Variants in ZNF7 observed in about 807,000 individuals in gnomAD.
ZNF7 encodes the protein zinc finger protein 7, also known as C2-H2 type zinc finger protein.
A neutral mutation model predicts 12.0 loss-of-function variants in ZNF7; 10 were observed. That is an observed-to-expected ratio of 0.83 (90% confidence interval 0.51 to 1.42). ZNF7 has a LOEUF of 1.42. ZNF7 is among the 40% of genes most tolerant of loss of function. The pLI is 0.00. For missense variants in ZNF7, 854 were observed against 837.2 expected (o/e 1.02, Z -0.25); for synonymous variants, 334 against 295.0 (o/e 1.13, Z -1.35).
At position 144,841,623 on chromosome 8, in the gene ZNF7, G is replaced by A. The variant is rs1397932459; in HGVS notation, c.516G>A (p.Lys172=). ...TFTKDAPQGC[K]ELGSSGLDCQ... ...CCAAGGACGCACCCCAGGGATGTAAGGAGCTGGGAAGCAGCGGCCTGGATT... is the reference window on the plus strand; with the variant it reads ...CCAAGGACGCACCCCAGGGATGTAAAGAGCTGGGAAGCAGCGGCCTGGATT... The change falls in exon 5 of 5, where the codon AAG becomes AAA. Residue 172 remains lysine (K), a synonymous_variant. Transcript: ENST00000532777. 6.2e-7 allele frequency: 1 copy of A among 1,614,248 alleles called. No homozygotes were observed. Among genetic ancestry groups the A allele is most frequent in the East Asian group, 2.2e-5 (1 of 44,890 alleles).
At position 144,842,005 on chromosome 8, in the gene ZNF7, C is replaced by T. The variant is rs779605458; in HGVS notation, c.898C>T (p.His300Tyr). The T allele has an allele frequency of 6.2e-7, 1 of 1,614,188 alleles. No homozygotes were observed. Among genetic ancestry groups the T allele is most frequent in the Admixed American group, 1.7e-5 (1 of 60,018 alleles). Residue 300 changes from histidine (H) to tyrosine (Y), a missense_variant, in exon 5 of 5, where the codon CAC becomes TAC. Transcript: ENST00000532777. ...AAAACTTATTCAGCATCAAAGAATC[C>T]ACACTGGGGAGAAGCCCTACAGATG... ...SSKLIQHQRI[H>Y]TGEKPYRCEE...
chr8:144,838,031 C>A, intron 4 of ZNF7: 8 of 697,618 alleles, frequency 1.1e-5, no homozygotes, highest in Non-Finnish European at 2.1e-5. Context: ...AAATCTGAAA[C>A]CGGGGGGTCA....
intron 3 of ZNF7, among the ~76,000 whole-genome samples, chr8:144,832,369 G>A (rs1233150260): frequency 2.0e-5 from 2 of 98,202 alleles, no homozygotes; most frequent in African/African-American, 6.0e-5. Context: ...GTTGCAGTGA[G>A]CCGGGATTGT....
rs775257545 is a variant in ZNF7, at chr8:144,843,151, A to G, written c.2044A>G (p.Lys682Glu). Residue 682 changes from lysine (K) to glutamate (E), a missense_variant, in exon 5 of 5, where the codon AAA (lysine) becomes GAA (glutamate). Physicochemically the swap from Lys to Glu is moderately conservative, Grantham distance 56. Coordinates refer to ENST00000532777, the MANE Select transcript of ZNF7 (RefSeq NM_003416.4). ...NRSSRLTQHQ[K>E]IHMG ...TAGCTCAAGGCTTACCCAGCATCAA[A>G]AAATTCACATGGGATAGACCACTTA... is the stretch of plus-strand genomic sequence containing the variant. The G allele has an allele frequency of 6.3e-7, 1 of 1,591,350 alleles. No homozygotes were observed. The highest frequency in any genetic ancestry group is 8.5e-7 in the Non-Finnish European group (1 of 1,171,038).
intron 4 of ZNF7, among the ~76,000 whole-genome samples, chr8:144,839,395 C>T (rs1470566511): frequency 6.6e-6 from 1 of 152,260 alleles, no homozygotes; most frequent in Admixed American, 6.5e-5. Flanking sequence ...GTGATCCTTT[C>T]TGCTCAGTCT....
At chr8:144,844,220 C>T (rs556864517), downstream of ZNF7, among the ~76,000 whole-genome samples, 1 of 152,266 alleles carries the variant, frequency 6.6e-6, no homozygotes, top group South Asian at 2.1e-4. Context: ...TGTAGAGAAA[C>T]ATGCCTTACT....
downstream of ZNF7, among the ~76,000 whole-genome samples, chr8:144,844,279 C>G (rs981855292): frequency 2.6e-5 from 4 of 152,224 alleles, no homozygotes; most frequent in South Asian, 2.1e-4. Context: ...ACCAACCCCC[C>G]CATCCATGCC....
chr8:144,834,665 T>G (rs921533939), intron 3 of ZNF7: 3 of 151,908 alleles, frequency 2.0e-5, no homozygotes, highest in African/African-American at 4.8e-5. Context: ...TGCCTTTGGA[T>G]TCAACTAGCC....
At chr8:144,833,535 C>G (rs1276287995) in intron 3 of ZNF7, among the ~76,000 whole-genome samples, 4 of 151,888 alleles carry the variant, frequency 2.6e-5, no homozygotes, top group Admixed American at 1.3e-4. Context: ...TGCCACCACA[C>G]CCGGCCAATT....
At position 144,843,301 on chromosome 8, in the gene ZNF7, A is replaced by C; in HGVS notation, c.*133A>C. On this transcript the variant is annotated 3_prime_UTR_variant, in exon 5 of 5. Coordinates refer to ENST00000532777, the MANE Select transcript of ZNF7 (RefSeq NM_003416.4). ...TTCAGAATTGCTCTCAAGAATATCC[A>C]ACTTCAGGCCGAGTGTGGTGGCTTA... 2.6e-6 allele frequency: 3 copies of C among 1,175,652 alleles called. No individual in the cohort carries two copies. The highest frequency in any genetic ancestry group is 1.7e-5 in the South Asian group (1 of 58,446). The allele number at this position is 1,175,652 out of a possible 1,614,324, so 72.8% of individuals were successfully genotyped here. A position where few individuals can be genotyped will look rare whatever the true frequency, so the allele number is the denominator to read the frequency against.
chr8:144,830,890 T>C (rs113832161), intron 3 of ZNF7: 8,216 of 458,556 alleles, frequency 0.018, 559 homozygotes, highest in African/African-American at 0.15. Context: ...TGAGCCACCG[T>C]GCCCAGCCGG....
chr8:144,829,666 C>T, intron 3 of ZNF7, 62 bp downstream of exon 3: 1 of 1,549,214 alleles, frequency 6.5e-7, no homozygotes, highest in South Asian at 1.2e-5. Context: ...CCAGCCAGGC[C>T]TCCATCAGAG....
At position 144,843,272 on chromosome 8, in the gene ZNF7, A is replaced by G; in HGVS notation, c.*104A>G. ...CTGACAAACATGTAGAATGTTGGTAAAGGTTCAGAATTGCTCTCAAGAATA... is the reference window on the plus strand; with the variant it reads ...CTGACAAACATGTAGAATGTTGGTAGAGGTTCAGAATTGCTCTCAAGAATA... On this transcript the variant is annotated 3_prime_UTR_variant, in exon 5 of 5. Coordinates refer to ENST00000532777, the MANE Select transcript of ZNF7 (RefSeq NM_003416.4). 8 of 1,362,078 alleles carry G rather than the reference A, an allele frequency of 5.9e-6. No homozygotes were observed. Among genetic ancestry groups the G allele is most frequent in the African/African-American group, 1.5e-5 (1 of 68,732 alleles). 84.4% of individuals were successfully genotyped at this position (1,362,078 alleles called of 1,614,324 possible).
downstream of ZNF7, among the ~76,000 whole-genome samples, chr8:144,845,275 C>T (rs1041718961): frequency 2.0e-5 from 3 of 152,108 alleles, no homozygotes; most frequent in African/African-American, 4.8e-5. Flanking sequence ...TTCCTTTTGC[C>T]CACCATTCCC....
chr8:144,846,267 T>C, downstream of ZNF7: 1 of 1,305,008 alleles, frequency 7.7e-7, no homozygotes, highest in Non-Finnish European at 1.0e-6. Context: ...AGCTTCATTC[T>C]GCTTCAGCAC....
downstream of ZNF7, chr8:144,846,157 G>A (rs926992620): frequency 9.1e-6 from 14 of 1,536,054 alleles, no homozygotes; most frequent in African/African-American, 4.1e-5. Context: ...GGAGGGGAAC[G>A]TCAGCCATAT....
At position 144,828,808 on chromosome 8, in the gene ZNF7, T is replaced by TA; in HGVS notation, c.-45-234dup. 8.7e-6 allele frequency: 5 copies of TA among 576,040 alleles called. No individual in the cohort carries two copies. The East Asian group carries it at 1.5e-4, about 17-fold the overall frequency. The allele number at this position is 576,040 out of a possible 1,614,324, so 35.7% of individuals were successfully genotyped here. A position where few individuals can be genotyped will look rare whatever the true frequency, so the allele number is the denominator to read the frequency against. The stretch of plus-strand genomic sequence containing the variant: ...TGCCTGGCACGTGGCATCCACTTCT[T>TA]ACGGCTTTGTGGAGTGAGTCACACA... On this transcript the variant is annotated intron_variant, in intron 1 of 4. Transcript: ENST00000532777.
chr8:144,838,061 CCT>C (rs1491047291), intron 4 of ZNF7: 1 of 702,908 alleles, frequency 1.4e-6, no homozygotes, highest in South Asian at 1.5e-5. Context: ...GCCGTGCCCC[CCT>C]GTGAAGGCTT....
intron 3 of ZNF7, chr8:144,835,379 T>G (rs952857985): frequency 1.3e-5 from 2 of 152,024 alleles, no homozygotes; most frequent in African/African-American, 4.8e-5. Flanking sequence ...GTTTTTTCTT[T>G]CTTTGTAGAG....
Sources: gnomAD v4.1 joint callset for allele counts (sites outside exome capture counted in the v4.1 genomes callset) on GRCh38, gnomAD v4.1.1 for gene constraint, MANE v1.5 for transcripts, NCBI Gene and HGNC (gene_info 2026-07-23, HGNC 2026-07-21) for gene names.